The following R3HDM2 variants were observed in gnomAD, a reference collection of about 807,000 sequenced individuals.
The protein encoded by R3HDM2 is R3H domain containing 2, also known as R3H domain-containing protein 2.
In R3HDM2, 38 loss-of-function variants were observed where a neutral mutation model predicts 124.5. The ratio of observed to expected loss-of-function variants is 0.31; its 90% CI spans 0.24 to 0.40. R3HDM2 has a LOEUF of 0.40. Ranked by LOEUF, R3HDM2 falls within the 10% of genes least tolerant of loss-of-function variation. The pLI is 1.00. For missense variants in R3HDM2, 869 were observed against 1,236.9 expected (o/e 0.70, Z 4.46); for synonymous variants, 391 against 448.0 (o/e 0.87, Z 1.61).
chr12:57,253,823 C>A lies in R3HDM2; in HGVS notation c.*950G>T. On this transcript the variant is annotated 3_prime_UTR_variant, in exon 24 of 24. Transcript: ENST00000402412. ...CAAAACCAACCTCCCCCCAAATAAC[C>A]CCCAAACAAACAAAAAAACAGATTA... The A allele has an allele frequency of 1.1e-5, 2 of 178,374 alleles. No individual in the cohort carries two copies. The highest frequency in any genetic ancestry group is 1.1e-4 in the South Asian group (1 of 9,018). 11.0% of individuals were successfully genotyped at this position (178,374 alleles called of 1,614,324 possible). A position where few individuals can be genotyped will look rare whatever the true frequency, so the allele number is the denominator to read the frequency against.
intron 2 of R3HDM2, among the ~76,000 whole-genome samples, chr12:57,312,153 G>A (rs1490933555): frequency 6.6e-6 from 1 of 152,140 alleles, no homozygotes; most frequent in Non-Finnish European, 1.5e-5. Context: ...CAAATGGATA[G>A]CAATGCTTCA....
intron 2 of R3HDM2, among the ~76,000 whole-genome samples, chr12:57,317,924 G>A (rs1213060546): frequency 6.7e-6 from 1 of 149,982 alleles, no homozygotes; most frequent in Non-Finnish European, 1.5e-5. Context: ...AGGTTGCAGT[G>A]AGCCAAGACT....
Position 57,272,610 on chromosome 12 carries a change from C to T in R3HDM2, c.1345-2616G>A, listed in dbSNP as rs1448550316. ...GGGAAGAGAAAAGAGAGGTGGGAAG[C>T]GGGGGGTGGGGTGGGGGGGGGGTGC... On this transcript the variant is annotated intron_variant, in intron 14 of 23. Coordinates refer to ENST00000402412, the MANE Select transcript of R3HDM2 (RefSeq NM_001394031.1). The T allele has an allele frequency of 3.0e-3, 87 of 29,486 alleles. 1 individual carries two copies. In the African/African-American group the frequency reaches 0.037, roughly 13 times the overall value. The allele number at this position is 29,486 out of a possible 1,614,324, so 1.8% of individuals were successfully genotyped here.
rs188191562 is a variant in R3HDM2, at chr12:57,406,493, T to C, written c.-105-10675A>G. ...ACTGTTAATTAAAAGACTTAAGCATTTGTCTTTTCTGTCCTATACAAATTG... is the reference window on the plus strand; with the variant it reads ...ACTGTTAATTAAAAGACTTAAGCATCTGTCTTTTCTGTCCTATACAAATTG... On this transcript the variant is annotated intron_variant, in intron 1 of 23. Coordinates refer to ENST00000402412, the MANE Select transcript of R3HDM2 (RefSeq NM_001394031.1). Among the ~76,000 whole-genome samples, 145 of 152,282 alleles carry C rather than the reference T, an allele frequency of 9.5e-4. 1 individual carries two copies. The highest frequency in any genetic ancestry group is 3.4e-3 in the African/African-American group (141 of 41,562).
intron 1 of R3HDM2, 167 bp downstream of exon 1, chr12:57,430,553 A>C (rs981589099): frequency 2.6e-5 from 26 of 983,162 alleles, no homozygotes; most frequent in African/African-American, 3.5e-5. Flanking sequence ...CACTTGGAGC[A>C]GTCCTTCCCG....
chr12:57,400,804 A>G (rs893564308), intron 1 of R3HDM2, among the ~76,000 whole-genome samples: 3 of 152,172 alleles, frequency 2.0e-5, no homozygotes, highest in Non-Finnish European at 2.9e-5. Flanking sequence ...CAGAGTGTTA[A>G]CCCTCAGAAA....
In R3HDM2 at chr12:57,408,222, T is replaced by C. The variant is rs1188317042; in HGVS notation, c.-105-12404A>G. On this transcript the variant is annotated intron_variant, in intron 1 of 23. Transcript: ENST00000402412. ...CTGGCATTTCAGGTGCAAGCCACCA[T>C]GCCTGGCCTAATTTTTAAAGTCTTT... is the stretch of plus-strand genomic sequence containing the variant. Among the ~76,000 whole-genome samples the C allele has an allele frequency of 2.0e-5, 3 of 152,146 alleles. No individual in the cohort carries two copies. In the East Asian group the frequency reaches 5.8e-4, roughly 30 times the overall value.
In R3HDM2 at chr12:57,257,983, C is replaced by T; in HGVS notation, c.2449+7G>A. ...CCATAGCAGCCAGCACTAATCTAAC[C>T]CCCTACCCTGTGCTGGACCCCCAGG... is the stretch of plus-strand genomic sequence containing the variant. On this transcript the variant is annotated splice_region_variant and intron_variant, in intron 21 of 23. Transcript: ENST00000402412. The T allele has an allele frequency of 6.5e-7, 1 of 1,530,792 alleles. No homozygotes were observed. Among genetic ancestry groups the T allele is most frequent in the Non-Finnish European group, 8.9e-7 (1 of 1,128,790 alleles). 94.8% of individuals were successfully genotyped at this position (1,530,792 alleles called of 1,614,324 possible). A position where few individuals can be genotyped will look rare whatever the true frequency, so the allele number is the denominator to read the frequency against.
intron 2 of R3HDM2, 126 bp downstream of exon 2, chr12:57,395,623 T>G (rs1365119283): frequency 7.5e-6 from 2 of 267,782 alleles, no homozygotes; most frequent in Non-Finnish European, 1.2e-5. Context: ...AATTTCTTCA[T>G]CTACTAAATG....
intron 2 of R3HDM2, among the ~76,000 whole-genome samples, chr12:57,362,013 G>A (rs1262550398): frequency 6.6e-6 from 1 of 152,082 alleles, no homozygotes; most frequent in Non-Finnish European, 1.5e-5. Flanking sequence ...CAGGCCTGCA[G>A]TCCCAGCTAC....
intron 2 of R3HDM2, among the ~76,000 whole-genome samples, chr12:57,386,945 G>A (rs116545753): frequency 0.012 from 1,820 of 152,060 alleles, 31 homozygotes; most frequent in African/African-American, 0.041. Context: ...AGTTGTGAAT[G>A]CACCTTTGGC....
intron 2 of R3HDM2, among the ~76,000 whole-genome samples, chr12:57,390,475 A>C (rs1240219951): frequency 6.6e-6 from 1 of 151,686 alleles, no homozygotes; most frequent in African/African-American, 2.4e-5. Context: ...AGACAGGAAG[A>C]TCACTGGAGC....
At chr12:57,331,461 A>T (rs1293682841) in intron 2 of R3HDM2, among the ~76,000 whole-genome samples, 3 of 152,110 alleles carry the variant, frequency 2.0e-5, no homozygotes, top group Non-Finnish European at 4.4e-5. Flanking sequence ...TATCTTGTTT[A>T]TTATCTCTCT....
At chr12:57,304,584 T>G in intron 3 of R3HDM2, 15 of 857,846 alleles carry the variant, frequency 1.7e-5, no homozygotes, top group Non-Finnish European at 2.1e-5. Flanking sequence ...ATGGAAAGAA[T>G]AAGAAATGAT....
chr12:57,357,824 T>C (rs1174436026), intron 2 of R3HDM2, among the ~76,000 whole-genome samples: 2 of 152,152 alleles, frequency 1.3e-5, no homozygotes, highest in East Asian at 3.9e-4. Flanking sequence ...ACTTCATTAA[T>C]TGCATCCCAC....
At chr12:57,319,692 C>T (rs1347017108) in intron 2 of R3HDM2, among the ~76,000 whole-genome samples, 2 of 152,136 alleles carry the variant, frequency 1.3e-5, no homozygotes, top group African/African-American at 4.8e-5. Context: ...TTACCATTTT[C>T]TTCTAGGATA....
chr12:57,296,509 C>T lies in R3HDM2; in HGVS notation c.603G>A (p.Arg201=), dbSNP rs2049915225. Residue 201 remains arginine (R), a synonymous_variant, in exon 9 of 24, where the codon CGG becomes CGA. Coordinates refer to ENST00000402412, the MANE Select transcript of R3HDM2 (RefSeq NM_001394031.1). This position sits in a 1 kb window ranked among gnomAD's most constrained non-coding sequence, Gnocchi z 4.5. ...KKFPQMTSYH[R]MLLHRVAAYF... ...AGGCAGCTACCCGGTGTAATAGCAT[C>T]CGGTGATATGAGGTCATCTGAGGGA... is the stretch of plus-strand genomic sequence containing the variant. 1.3e-6 allele frequency: 2 copies of T among 1,551,950 alleles called. No homozygotes were observed. Among genetic ancestry groups the T allele is most frequent in the Non-Finnish European group, 1.7e-6 (2 of 1,147,018 alleles).
intron 11 of R3HDM2, 27 bp from the exon 12 acceptor site, chr12:57,289,067 T>C (rs1390642618): frequency 6.5e-7 from 1 of 1,533,126 alleles, no homozygotes; most frequent in Admixed American, 2.0e-5. Context: ...AAACGGAAAA[T>C]AACTTATAAG....
rs184882487 is a variant in R3HDM2, at chr12:57,428,107, G to A, written c.-106+2613C>T. 7.7e-3 allele frequency among the ~76,000 whole-genome samples: 1,157 copies of A among 150,922 alleles called. 12 individuals are homozygous for A. Among genetic ancestry groups the A allele is most frequent in the African/African-American group, 0.026 (1,078 of 41,020 alleles). On this transcript the variant is annotated intron_variant, in intron 1 of 23. Transcript: ENST00000402412. ...TGCACTCCAGCCTGGGTGACAGAGCGAGACTCCATCTCAAAAAAAAAAAAG... is the reference window on the plus strand; with the variant it reads ...TGCACTCCAGCCTGGGTGACAGAGCAAGACTCCATCTCAAAAAAAAAAAAG...
Sources: gnomAD v4.1 joint callset for allele counts (sites outside exome capture counted in the v4.1 genomes callset) on GRCh38, gnomAD v4.1.1 for gene constraint, Gnocchi (gnomAD v3.1) non-coding constraint, MANE v1.5 for transcripts, NCBI Gene and HGNC (gene_info 2026-07-23, HGNC 2026-07-21) for gene names.